TRIM23: variants seen among roughly 807,000 people sequenced by gnomAD.
The protein encoded by TRIM23 is E3 ubiquitin-protein ligase TRIM23.
A neutral mutation model predicts 71.0 loss-of-function variants in TRIM23; 27 were observed. The ratio of observed to expected loss-of-function variants is 0.38; its 90% CI spans 0.28 to 0.52. The LOEUF (loss-of-function observed/expected upper bound fraction) is 0.52, where lower values mean the gene tolerates loss of function less well. Among genes scored for constraint, TRIM23 ranks in the 20% least tolerant of loss-of-function variants. TRIM23 has a pLI of 0.84. For synonymous variants in TRIM23, 234 were observed against 238.0 expected, an observed-to-expected ratio of 0.98 and a Z score of 0.16; for missense variants, 482 against 692.3, an observed-to-expected ratio of 0.70 and a Z score of 3.41.
intron 7 of TRIM23, among the ~76,000 whole-genome samples, chr5:65,603,626 C>G (rs1249667394): frequency 1.3e-5 from 2 of 152,228 alleles, no homozygotes; most frequent in Middle Eastern, 3.4e-3. Flanking sequence ...TCTGAATAAA[C>G]CTTGCTTTGA....
At chr5:65,594,778 G>A (rs2150620775) in intron 9 of TRIM23, 133 bp from the exon 10 acceptor site, 1 of 782,704 alleles carries the variant, frequency 1.3e-6, no homozygotes, top group Middle Eastern at 3.6e-4. Context: ...CACAGAGGGT[G>A]CCTAGTATGG....
At chr5:65,600,453 A>G (rs555592698) in intron 7 of TRIM23, among the ~76,000 whole-genome samples, 11 of 152,208 alleles carry the variant, frequency 7.2e-5, no homozygotes, top group African/African-American at 2.6e-4. Flanking sequence ...GGGAAACTGG[A>G]TATCTACATG....
At chr5:65,597,724 GCTT>G (rs997477993) in intron 7 of TRIM23, among the ~76,000 whole-genome samples, 2 of 151,898 alleles carry the variant, frequency 1.3e-5, no homozygotes, top group Non-Finnish European at 2.9e-5. Flanking sequence ...TCTTTTAATG[GCTT>G]CTTTACATTT....
At chr5:65,598,450 T>G (rs1754267668) in intron 7 of TRIM23, among the ~76,000 whole-genome samples, 1 of 152,076 alleles carries the variant, frequency 6.6e-6, no homozygotes, top group Non-Finnish European at 1.5e-5. Context: ...GCAAACTGAA[T>G]TCAACAACAC....
Position 65,618,187 on chromosome 5 carries a change from A to G in TRIM23, c.150T>C (p.Leu50=), listed in dbSNP as rs61749599. The change falls in exon 2 of 11, where the codon CTT becomes CTC. Residue 50 remains leucine (L), a synonymous_variant. Coordinates refer to ENST00000231524, the MANE Select transcript of TRIM23 (RefSeq NM_001656.4). ...AGTCATGACAGACGGTATGGCCACA[A>G]AGCAAAAGACGGGGAACTTTGTCTC... ...LQGDKVPRLL[L]CGHTVCHDCL... 3.3e-5 allele frequency: 54 copies of G among 1,614,048 alleles called. No individual in the cohort carries two copies. Among genetic ancestry groups the G allele is most frequent in the Non-Finnish European group, 4.2e-5 (50 of 1,180,004 alleles).
chr5:65,611,887 A>G lies in TRIM23; in HGVS notation c.367-6T>C. On this transcript the variant is annotated splice_region_variant and splice_polypyrimidine_tract_variant and intron_variant, in intron 3 of 10. Coordinates refer to ENST00000231524, the MANE Select transcript of TRIM23 (RefSeq NM_001656.4). ...TCATCACAACGAATGATGCTCTGATAAACAAAAAATTAATGCCTTAAAATT... is the reference window on the plus strand; with the variant it reads ...TCATCACAACGAATGATGCTCTGATGAACAAAAAATTAATGCCTTAAAATT... 3 of 1,604,826 alleles carry G rather than the reference A, an allele frequency of 1.9e-6. No homozygotes were observed. In the African/African-American group the frequency reaches 4.0e-5, roughly 21 times the overall value.
At chr5:65,608,976 AAAG>A in intron 6 of TRIM23, among the ~76,000 whole-genome samples, 1 of 152,248 alleles carries the variant, frequency 6.6e-6, no homozygotes, top group East Asian at 1.9e-4. Context: ...TATGCTTGGC[AAAG>A]AAGAGTAAAA....
chr5:65,607,733 A>G (rs1001506056), intron 6 of TRIM23, among the ~76,000 whole-genome samples: 9 of 152,242 alleles, frequency 5.9e-5, no homozygotes, highest in African/African-American at 2.2e-4. Context: ...TTTTTCATAA[A>G]ATAAATATGA....
At position 65,590,495 on chromosome 5, in the gene TRIM23, A is replaced by G. The variant is rs1052759926; in HGVS notation, c.*1274T>C. 1.7e-6 allele frequency: 2 copies of G among 1,208,482 alleles called. No individual in the cohort carries two copies. Among genetic ancestry groups the G allele is most frequent in the Non-Finnish European group, 2.1e-6 (2 of 961,956 alleles). The allele number at this position is 1,208,482 out of a possible 1,614,324, so 74.9% of individuals were successfully genotyped here. A position where few individuals can be genotyped will look rare whatever the true frequency, so the allele number is the denominator to read the frequency against. On this transcript the variant is annotated 3_prime_UTR_variant, in exon 11 of 11. Transcript: ENST00000231524. The stretch of plus-strand genomic sequence containing the variant: ...TACCAGACATCACTGTCCTTACAAC[A>G]ATTCAACTAATAAGATTTAAGATTT...
At chr5:65,592,280 C>A (rs896044560) in intron 10 of TRIM23, among the ~76,000 whole-genome samples, 3 of 152,120 alleles carry the variant, frequency 2.0e-5, no homozygotes, top group African/African-American at 7.2e-5. Context: ...GACTGGAGTG[C>A]AGTGACATGA....
chr5:65,590,588 T>C lies in TRIM23; in HGVS notation c.*1181A>G, dbSNP rs1235687212. 6 of 1,027,812 alleles carry C rather than the reference T, an allele frequency of 5.8e-6. No individual in the cohort carries two copies. The highest frequency in any genetic ancestry group is 7.1e-6 in the Non-Finnish European group (6 of 848,916). 63.7% of individuals were successfully genotyped at this position (1,027,812 alleles called of 1,614,324 possible). ...TCAATGTACCTATTTAAATAAATCGTGCTTCCATAATAATATTCTTTAAAA... is the reference window on the plus strand; with the variant it reads ...TCAATGTACCTATTTAAATAAATCGCGCTTCCATAATAATATTCTTTAAAA... On this transcript the variant is annotated 3_prime_UTR_variant, in exon 11 of 11. Transcript: ENST00000231524.
chr5:65,616,719 GT>G lies in TRIM23; in HGVS notation c.244+1373del, dbSNP rs551029233. Among the ~76,000 whole-genome samples the G allele has an allele frequency of 1.1e-3, 168 of 149,480 alleles. 2 individuals carry two copies. Among genetic ancestry groups the G allele is most frequent in the Non-Finnish European group, 9.3e-4 (63 of 67,416 alleles). On this transcript the variant is annotated intron_variant, in intron 2 of 10. Coordinates refer to ENST00000231524, the MANE Select transcript of TRIM23 (RefSeq NM_001656.4). ...AAACATTACTATTTCTTTAAGCATA[GT>G]TTTTTTGTTTGTTTGTCTGAGACCA...
At chr5:65,610,795 T>G in intron 5 of TRIM23, 66 bp downstream of exon 5, 1 of 1,389,046 alleles carries the variant, frequency 7.2e-7, no homozygotes, top group African/African-American at 1.5e-5. Context: ...ATTAATTACT[T>G]AGTAGAAGGT....
intron 7 of TRIM23, among the ~76,000 whole-genome samples, chr5:65,598,939 C>A (rs1207251964): frequency 6.6e-6 from 1 of 152,084 alleles, no homozygotes; most frequent in African/African-American, 2.4e-5. Context: ...TAAAAACATT[C>A]AACAAACTAG....
chr5:65,607,293 A>T (rs544113210), intron 6 of TRIM23: 2 of 152,244 alleles, frequency 1.3e-5, no homozygotes, highest in Non-Finnish European at 2.9e-5. Context: ...ATCATTAAAA[A>T]TTACCAGTTG....
intron 10 of TRIM23, among the ~76,000 whole-genome samples, 167 bp from the exon 11 acceptor site, chr5:65,592,115 T>C (rs1239885083): frequency 6.6e-6 from 1 of 152,158 alleles, no homozygotes; most frequent in East Asian, 1.9e-4. Context: ...ATAGAAAAAA[T>C]TAGTTTGGTT....
intron 7 of TRIM23, 145 bp downstream of exon 7, chr5:65,604,765 AT>A: frequency 1.5e-6 from 1 of 657,606 alleles, no homozygotes; most frequent in Non-Finnish European, 2.3e-6. Flanking sequence ...TGAGCACACC[AT>A]TTCTATTTTC....
chr5:65,596,228 T>C (rs547440438), intron 9 of TRIM23, among the ~76,000 whole-genome samples, 193 bp downstream of exon 9: 1 of 152,348 alleles, frequency 6.6e-6, no homozygotes, highest in East Asian at 1.9e-4. Context: ...AATAATGGTA[T>C]ATCAGGAATA....
At chr5:65,612,044 A>G (rs1005780262) in intron 3 of TRIM23, among the ~76,000 whole-genome samples, 163 bp from the exon 4 acceptor site, 2 of 152,252 alleles carry the variant, frequency 1.3e-5, no homozygotes, top group Non-Finnish European at 2.9e-5. Flanking sequence ...TCATCTGAGA[A>G]GCATTCATTT....
Sources: gnomAD v4.1 joint callset for allele counts (sites outside exome capture counted in the v4.1 genomes callset) on GRCh38, gnomAD v4.1.1 for gene constraint, MANE v1.5 for transcripts, NCBI Gene and HGNC (gene_info 2026-07-23, HGNC 2026-07-21) for gene names.